The following WDFY4 variants were observed in gnomAD, a reference collection of about 807,000 sequenced individuals.
The protein encoded by WDFY4 is WDFY family member 4.
WDFY4 carries 169 observed loss-of-function variants against 351.9 expected under a neutral mutation model. The observed-to-expected ratio is 0.48, with a 90% CI of 0.42 to 0.55. WDFY4 has a LOEUF of 0.55. Ranked by LOEUF, WDFY4 falls within the 20% of genes least tolerant of loss-of-function variation. WDFY4 has a pLI of 0.00. For missense variants in WDFY4, 3,803 were observed against 3,935.6 expected (o/e 0.97, Z 0.90); for synonymous variants, 1,622 against 1,574.6 (o/e 1.03, Z -0.71).
chr10:48,815,471 T>G (rs899319759), intron 31 of WDFY4, among the ~76,000 whole-genome samples: 2 of 152,070 alleles, frequency 1.3e-5, no homozygotes, highest in Non-Finnish European at 2.9e-5. Context: ...TTTTTTTTTC[T>G]TTTTTGAGAC....
chr10:48,899,958 C>T (rs1026153882), intron 45 of WDFY4, among the ~76,000 whole-genome samples: 11 of 152,182 alleles, frequency 7.2e-5, no homozygotes, highest in African/African-American at 1.9e-4. Context: ...GTCTGCTTCA[C>T]GCTTGCCCTG....
intron 24 of WDFY4, among the ~76,000 whole-genome samples, chr10:48,800,154 G>T (rs1272016372): frequency 6.6e-6 from 1 of 152,214 alleles, no homozygotes; most frequent in Non-Finnish European, 1.5e-5. Context: ...AAAGCCCTGG[G>T]ATTACAAGCG....
At position 48,821,099 on chromosome 10, in the gene WDFY4, A is replaced by T; in HGVS notation, c.5747A>T (p.Asp1916Val). Residue 1916 changes from aspartate to valine, a missense_variant, in exon 34 of 62, where the codon GAC becomes GTC. This residue lies in a region of WDFY4 where 3,054 missense variants were observed against 3,148.6 expected (regional missense o/e 0.97). Coordinates refer to ENST00000325239, the MANE Select transcript of WDFY4 (RefSeq NM_001394531.1). ...PDHATSQQKRDFQSEVLLSAM... is the reference protein window; with the variant it reads ...PDHATSQQKRVFQSEVLLSAM... ...CACGCCACCAGCCAACAGAAGCGAG[A>T]CTTCCAGTCCGAGGTCCTGCTTTCT... The T allele has an allele frequency of 6.4e-7, 1 of 1,551,652 alleles. No homozygotes were observed. Among genetic ancestry groups the T allele is most frequent in the Non-Finnish European group, 8.7e-7 (1 of 1,146,966 alleles).
intron 47 of WDFY4, chr10:48,913,701 T>G: frequency 3.7e-6 from 6 of 1,612,634 alleles, no homozygotes; most frequent in Non-Finnish European, 5.1e-6. Context: ...TAGGTTGTCA[T>G]GGAGCCCTAC....
intron 1 of WDFY4, among the ~76,000 whole-genome samples, chr10:48,703,176 A>C (rs1022421807): frequency 9.2e-5 from 14 of 152,094 alleles, no homozygotes; most frequent in Non-Finnish European, 1.3e-4. Context: ...TGGCTTTGCT[A>C]TTTATTTATT....
At position 48,958,285 on chromosome 10, in the gene WDFY4, C is replaced by T. The variant is rs1317775372; in HGVS notation, c.8131+1003C>T. On this transcript the variant is annotated intron_variant, in intron 52 of 61. Coordinates refer to ENST00000325239, the MANE Select transcript of WDFY4 (RefSeq NM_001394531.1). ...CTGGGGACCTTGGTGGTGTTCAAATCGTTAGACACCTCACATGCGTCAGGG... is the reference window on the plus strand; with the variant it reads ...CTGGGGACCTTGGTGGTGTTCAAATTGTTAGACACCTCACATGCGTCAGGG... 3.3e-5 allele frequency among the ~76,000 whole-genome samples: 5 copies of T among 152,190 alleles called. No individual in the cohort carries two copies. The East Asian group carries it at 9.6e-4, about 29-fold the overall frequency.
At chr10:48,907,367 G>A (rs576215509) in intron 47 of WDFY4, among the ~76,000 whole-genome samples, 5 of 152,194 alleles carry the variant, frequency 3.3e-5, no homozygotes, top group Non-Finnish European at 5.9e-5. Flanking sequence ...AAGCCACTGG[G>A]TGTGAGATGG....
At chr10:48,923,892 G>A (rs1299869350) in intron 47 of WDFY4, among the ~76,000 whole-genome samples, 1 of 152,198 alleles carries the variant, frequency 6.6e-6, no homozygotes, top group East Asian at 1.9e-4. Flanking sequence ...ACAGGAAGGG[G>A]TGCTTCCAGC....
chr10:48,932,483 C>G (rs1831210206), intron 47 of WDFY4: 1 of 152,170 alleles, frequency 6.6e-6, no homozygotes, highest in Admixed American at 6.5e-5. Context: ...TCCCTATACT[C>G]ACTTTTAATC....
intron 21 of WDFY4, among the ~76,000 whole-genome samples, chr10:48,789,664 A>G (rs1035539314): frequency 6.6e-5 from 10 of 152,174 alleles, no homozygotes; most frequent in African/African-American, 2.2e-4. Flanking sequence ...CTCACTTACA[A>G]TTCAGCCACA....
chr10:48,737,114 A>C (rs544831830), intron 11 of WDFY4, among the ~76,000 whole-genome samples: 23 of 152,204 alleles, frequency 1.5e-4, no homozygotes, highest in Non-Finnish European at 2.9e-4. Flanking sequence ...TGCTTGAGTG[A>C]TCCTCCCACC....
chr10:48,778,540 A>C, intron 17 of WDFY4, 71 bp from the exon 18 acceptor site: 1 of 1,460,382 alleles, frequency 6.8e-7, no homozygotes, highest in Non-Finnish European at 9.3e-7. Context: ...AATCAGCACC[A>C]TAGTGAATCT....
intron 13 of WDFY4, among the ~76,000 whole-genome samples, chr10:48,769,825 C>T (rs2065800326): frequency 6.6e-6 from 1 of 152,238 alleles, no homozygotes; most frequent in South Asian, 2.1e-4. Context: ...ACAGCGTGGA[C>T]TTAAAGGCTA....
intron 52 of WDFY4, among the ~76,000 whole-genome samples, chr10:48,959,287 G>T (rs1841748207): frequency 6.6e-6 from 1 of 152,202 alleles, no homozygotes; most frequent in Non-Finnish European, 1.5e-5. Flanking sequence ...GATTCAGTGA[G>T]GTGATGTGTG....
Position 48,867,296 on chromosome 10 carries a change from G to A in WDFY4, c.6695G>A (p.Arg2232Lys). The change falls in exon 40 of 62, where the codon AGA becomes AAA. Residue 2232 changes from arginine (R) to lysine (K), a missense_variant. Around this residue, in one of 3 missense-constraint regions of WDFY4, gnomAD observed 3,054 missense variants for 3,148.6 expected, o/e 0.97. Coordinates refer to ENST00000325239, the MANE Select transcript of WDFY4 (RefSeq NM_001394531.1). ...DFVSCIENYR[R>K]RGQELYASLY... is the part of the protein sequence containing the mutation. The stretch of plus-strand genomic sequence containing the variant: ...GTGTCATGTATAGAGAACTACAGAA[G>A]AAGAGGACAAGAGCTATATGCATCT... The A allele has an allele frequency of 6.7e-7, 1 of 1,496,586 alleles. No homozygotes were observed. The highest frequency in any genetic ancestry group is 1.4e-5 in the South Asian group (1 of 73,342). 92.7% of individuals were successfully genotyped at this position (1,496,586 alleles called of 1,614,324 possible). A position where few individuals can be genotyped will look rare whatever the true frequency, so the allele number is the denominator to read the frequency against.
chr10:48,917,900 G>A (rs890795846), intron 47 of WDFY4, among the ~76,000 whole-genome samples: 1 of 152,174 alleles, frequency 6.6e-6, no homozygotes, highest in Non-Finnish European at 1.5e-5. Flanking sequence ...AACACTGTGT[G>A]ATGGAGTTGT....
At chr10:48,817,608 A>T (rs984229772) in intron 32 of WDFY4, among the ~76,000 whole-genome samples, 199 bp downstream of exon 32, 3 of 152,196 alleles carry the variant, frequency 2.0e-5, no homozygotes, top group African/African-American at 7.2e-5. Context: ...CAGCTCTGAG[A>T]TTCAATAATT....
intron 47 of WDFY4, among the ~76,000 whole-genome samples, chr10:48,928,804 A>C (rs1839805385): frequency 6.6e-6 from 1 of 152,208 alleles, no homozygotes; most frequent in Admixed American, 6.5e-5. Flanking sequence ...AAATGACTGC[A>C]AAGGGGAATG....
chr10:48,803,266 T>G lies in WDFY4; in HGVS notation c.4411-20T>G. The G allele has an allele frequency of 1.3e-6, 2 of 1,551,298 alleles. No homozygotes were observed. Among genetic ancestry groups the G allele is most frequent in the Non-Finnish European group, 1.7e-6 (2 of 1,146,546 alleles). ...TCTCCCACACCTTCATTTTAGCATGTGTTTTGTTTTGTCTTCCAGCTCTGG... is the reference window on the plus strand; with the variant it reads ...TCTCCCACACCTTCATTTTAGCATGGGTTTTGTTTTGTCTTCCAGCTCTGG... On this transcript the variant is annotated intron_variant, in intron 24 of 61. Coordinates refer to ENST00000325239, the MANE Select transcript of WDFY4 (RefSeq NM_001394531.1).
Sources: allele counts gnomAD v4.1 joint callset (sites outside exome capture counted in the v4.1 genomes callset), GRCh38; gene constraint gnomAD v4.1.1; regional missense constraint gnomAD v4.1.1; transcripts MANE v1.5; gene names NCBI Gene and HGNC (gene_info 2026-07-23, HGNC 2026-07-21).